ANKS1B: variants seen among roughly 807,000 people sequenced by gnomAD.
ANKS1B encodes the protein ankyrin repeat and sterile alpha motif domain-containing protein 1B.
A neutral mutation model predicts 148.3 loss-of-function variants in ANKS1B; 36 were observed. The observed-to-expected ratio is 0.24, with a 90% confidence interval of 0.19 to 0.32. The LOEUF is 0.32. Ranked by LOEUF, ANKS1B falls within the 10% of genes least tolerant of loss-of-function variation. The pLI is 1.00. For synonymous variants in ANKS1B, 542 were observed against 560.8 expected (o/e 0.97, Z 0.47); for missense variants, 1,157 against 1,542.6 (o/e 0.75, Z 4.19).
intron 12 of ANKS1B, among the ~76,000 whole-genome samples, chr12:99,314,970 C>A (rs932196134): frequency 2.0e-5 from 3 of 151,284 alleles, no homozygotes; most frequent in African/African-American, 7.3e-5. Context: ...ATTGGCTGGG[C>A]GTGGTGGCTC....
chr12:99,546,560 G>A (rs940258391), intron 9 of ANKS1B, among the ~76,000 whole-genome samples: 7 of 152,110 alleles, frequency 4.6e-5, no homozygotes, highest in African/African-American at 9.7e-5. Context: ...GCTGCAGAGC[G>A]AAGAAAATGG....
intron 8 of ANKS1B, among the ~76,000 whole-genome samples, chr12:99,768,688 T>C (rs1388714276): frequency 3.3e-5 from 5 of 151,810 alleles, no homozygotes; most frequent in African/African-American, 1.2e-4. Context: ...TAGCCAGGTG[T>C]GGTGGCACGT....
At chr12:99,836,296 C>A (rs1272440818) in intron 1 of ANKS1B, among the ~76,000 whole-genome samples, 1 of 151,774 alleles carries the variant, frequency 6.6e-6, no homozygotes, top group Non-Finnish European at 1.5e-5. Flanking sequence ...ATTTGAGTCA[C>A]AAACAATTTC....
chr12:98,986,058 T>G (rs978484010), intron 17 of ANKS1B, among the ~76,000 whole-genome samples: 4 of 152,196 alleles, frequency 2.6e-5, no homozygotes, highest in Non-Finnish European at 4.4e-5. Flanking sequence ...TATTCCATTG[T>G]TTTTTGGCTT....
At chr12:99,859,127 G>A (rs1404184391) in intron 1 of ANKS1B, among the ~76,000 whole-genome samples, 1 of 152,214 alleles carries the variant, frequency 6.6e-6, no homozygotes, top group Non-Finnish European at 1.5e-5. Flanking sequence ...TTGAAAGCAA[G>A]AGCAGATAAT....
intron 9 of ANKS1B, among the ~76,000 whole-genome samples, chr12:99,519,656 C>T (rs2096855756): frequency 6.6e-6 from 1 of 151,986 alleles, no homozygotes; most frequent in South Asian, 2.1e-4. Flanking sequence ...AGATCATTGG[C>T]TCTTGTTTTT....
rs370441863 is a variant in ANKS1B at position 99,441,481 on chromosome 12, A to C, written c.1575+2192T>G. ...GAGCCCCCTGAAGGTCATAACTCAT[A>C]TGGAGAAATAAGTCATGCACCAATG... On this transcript the variant is annotated intron_variant, in intron 11 of 26. Coordinates refer to ENST00000683438, the MANE Select transcript of ANKS1B (RefSeq NM_001352186.2). Among the ~76,000 whole-genome samples the C allele has an allele frequency of 1.7e-4, 26 of 152,082 alleles. No homozygotes were observed. In the South Asian group the frequency reaches 5.4e-3, roughly 32 times the overall value.
chr12:99,314,730 A>G (rs1180284252), intron 12 of ANKS1B, among the ~76,000 whole-genome samples: 2 of 152,216 alleles, frequency 1.3e-5, no homozygotes, highest in South Asian at 2.1e-4. Context: ...GAAAACTGAA[A>G]TCGGAACCCT....
chr12:99,394,400 G>C (rs2094175542), intron 12 of ANKS1B, among the ~76,000 whole-genome samples: 1 of 151,972 alleles, frequency 6.6e-6, no homozygotes, highest in African/African-American at 2.4e-5. Context: ...AAATTCCCCT[G>C]TGAAGAAATT....
chr12:99,318,766 G>A (rs180919613), intron 12 of ANKS1B, among the ~76,000 whole-genome samples: 9 of 151,646 alleles, frequency 5.9e-5, no homozygotes, highest in Admixed American at 2.0e-4. Flanking sequence ...TGATGTTAGC[G>A]TGTCAATTTT....
intron 12 of ANKS1B, among the ~76,000 whole-genome samples, chr12:99,329,482 CA>C (rs1273435637): frequency 6.6e-6 from 1 of 151,834 alleles, no homozygotes; most frequent in Non-Finnish European, 1.5e-5. Flanking sequence ...TAAGGTTCTA[CA>C]TATATTTTTA....
At chr12:99,863,128 TG>T in intron 1 of ANKS1B, among the ~76,000 whole-genome samples, 1 of 152,312 alleles carries the variant, frequency 6.6e-6, no homozygotes, top group East Asian at 1.9e-4. Context: ...TTTTGTTTGT[TG>T]GTTGGTTTTT....
At position 99,172,775 on chromosome 12, in the gene ANKS1B, T is replaced by A. The variant is rs1025648745; in HGVS notation, c.2420-18380A>T. ...ATAATAACAATTTTTTTAAAAAAGA[T>A]GATAGCTGAGAGGATTAAAGATGTT... On this transcript the variant is annotated intron_variant, in intron 14 of 26. Transcript: ENST00000683438. Among the ~76,000 whole-genome samples the A allele has an allele frequency of 2.6e-5, 4 of 152,156 alleles. No homozygotes were observed. The South Asian group carries it at 8.3e-4, about 32-fold the overall frequency.
At chr12:99,819,035 G>C (rs2082201151) in intron 2 of ANKS1B, among the ~76,000 whole-genome samples, 1 of 151,780 alleles carries the variant, frequency 6.6e-6, no homozygotes, top group African/African-American at 2.4e-5. Context: ...CTTGTTGATT[G>C]AGTCCAAAGA....
At chr12:98,803,158 T>C (rs1466475106) in intron 20 of ANKS1B, among the ~76,000 whole-genome samples, 1 of 152,186 alleles carries the variant, frequency 6.6e-6, no homozygotes, top group Non-Finnish European at 1.5e-5. Flanking sequence ...ATTCTCTCTC[T>C]GGTCTTTATT....
intron 9 of ANKS1B, among the ~76,000 whole-genome samples, chr12:99,573,448 T>C (rs1362826093): frequency 6.6e-6 from 1 of 152,118 alleles, no homozygotes; most frequent in East Asian, 1.9e-4. Flanking sequence ...ATGAATGTTT[T>C]ATCTTTTTCT....
chr12:99,526,205 T>C, intron 9 of ANKS1B, among the ~76,000 whole-genome samples: 1 of 152,168 alleles, frequency 6.6e-6, no homozygotes, highest in East Asian at 1.9e-4. Context: ...AGACTAACCA[T>C]CTGTTAGTCA....
At chr12:99,480,015 C>T (rs1567183310) in intron 10 of ANKS1B, among the ~76,000 whole-genome samples, 3 of 151,290 alleles carry the variant, frequency 2.0e-5, no homozygotes, top group Admixed American at 2.0e-4. Context: ...ATATATACAC[C>T]TATTATTTGT....
chr12:99,200,730 C>A (rs878991015), intron 14 of ANKS1B, among the ~76,000 whole-genome samples: 1 of 152,062 alleles, frequency 6.6e-6, no homozygotes, highest in South Asian at 2.1e-4. Context: ...AAAAAAGAAC[C>A]AATTTTACTA....
Sources: allele counts gnomAD v4.1 joint callset (sites outside exome capture counted in the v4.1 genomes callset), GRCh38; gene constraint gnomAD v4.1.1; transcripts MANE v1.5; gene names NCBI Gene and HGNC (gene_info 2026-07-23, HGNC 2026-07-21).